The following TACR3 variants were observed in gnomAD, a reference collection of about 807,000 sequenced individuals.
TACR3 encodes neuromedin-K receptor.
TACR3 carries 34 observed loss-of-function variants against 35.0 expected under a neutral mutation model. The observed-to-expected ratio is 0.97, with a 90% CI of 0.74 to 1.30. The LOEUF (loss-of-function observed/expected upper bound fraction) is 1.30. Ranked by LOEUF, TACR3 falls within the 50% of genes most tolerant of loss-of-function variation. The pLI is 0.00. For missense variants in TACR3, 558 were observed against 591.7 expected, an observed-to-expected ratio of 0.94 and a Z score of 0.59; for synonymous variants, 233 against 221.1, an observed-to-expected ratio of 1.05 and a Z score of -0.48.
intron 4 of TACR3, among the ~76,000 whole-genome samples, chr4:103,590,914 A>G (rs1379876165): frequency 6.6e-6 from 1 of 152,032 alleles, no homozygotes; most frequent in Non-Finnish European, 1.5e-5. Flanking sequence ...TCCCTTGACC[A>G]CTGTGATTTC....
At chr4:103,600,554 G>T (rs1190854497) in intron 3 of TACR3, among the ~76,000 whole-genome samples, 2 of 151,932 alleles carry the variant, frequency 1.3e-5, no homozygotes, top group African/African-American at 2.4e-5. Context: ...GTGATGTTAG[G>T]GTGTCAATTT....
chr4:103,706,591 A>G lies in TACR3; in HGVS notation c.548+12537T>C, dbSNP rs1021041885. Among the ~76,000 whole-genome samples, 3 of 152,300 alleles carry G rather than the reference A, an allele frequency of 2.0e-5. No individual in the cohort carries two copies. In the East Asian group the frequency reaches 5.8e-4, roughly 29 times the overall value. The stretch of plus-strand genomic sequence containing the variant: ...TATAATGTACTATACATGAGTGCAT[A>G]GGGAGAGAAAGAAAGTACATATAAT... On this transcript the variant is annotated intron_variant, in intron 1 of 4. Transcript: ENST00000304883.
At position 103,656,253 on chromosome 4, in the gene TACR3, C is replaced by T; in HGVS notation, c.829G>A (p.Gly277Arg). Residue 277 changes from glycine to arginine, a missense_variant, in exon 3 of 5, where the codon GGA becomes AGA. Physicochemically the swap from Gly to Arg is moderately radical, Grantham distance 125. Coordinates refer to ENST00000304883, the MANE Select transcript of TACR3 (RefSeq NM_001059.3). Reference sequence around the variant, plus strand: ...TCACAGGTATCTCCTGGGATTTCTCCTCCCCAGAGAGTAATTCCAACAATG... The same window carrying T: ...TCACAGGTATCTCCTGGGATTTCTCTTCCCCAGAGAGTAATTCCAACAATG... ...YTIVGITLWG[G>R]EIPGDTCDKY... 5 of 1,612,984 alleles carry T rather than the reference C, an allele frequency of 3.1e-6. No individual in the cohort carries two copies. Among genetic ancestry groups the T allele is most frequent in the Non-Finnish European group, 4.2e-6 (5 of 1,179,296 alleles).
intron 3 of TACR3, among the ~76,000 whole-genome samples, chr4:103,594,113 A>G (rs994284251): frequency 6.6e-6 from 1 of 152,144 alleles, no homozygotes; most frequent in Non-Finnish European, 1.5e-5. Context: ...TAAAATAAGC[A>G]TGGAATTTAC....
intron 3 of TACR3, chr4:103,624,662 G>A (rs967079851): frequency 3.3e-5 from 5 of 151,888 alleles, no homozygotes; most frequent in African/African-American, 1.2e-4. Flanking sequence ...AAAGAAATCT[G>A]AAGAGATTTA....
At chr4:103,638,995 C>T (rs996021711) in intron 3 of TACR3, among the ~76,000 whole-genome samples, 6 of 152,204 alleles carry the variant, frequency 3.9e-5, no homozygotes, top group African/African-American at 1.4e-4. Context: ...GTTGGTGGGA[C>T]TGTAAACTAG....
At chr4:103,645,711 T>C (rs984109710) in intron 3 of TACR3, among the ~76,000 whole-genome samples, 6 of 151,960 alleles carry the variant, frequency 3.9e-5, no homozygotes, top group African/African-American at 1.4e-4. Flanking sequence ...AGATACACAA[T>C]GGTAGGAGAA....
At chr4:103,628,973 G>C (rs1267902896) in intron 3 of TACR3, among the ~76,000 whole-genome samples, 1 of 152,182 alleles carries the variant, frequency 6.6e-6, no homozygotes, top group Non-Finnish European at 1.5e-5. Flanking sequence ...TGGGATGCAA[G>C]GCTGGTTCAA....
chr4:103,671,520 T>C (rs1215911106), intron 1 of TACR3, among the ~76,000 whole-genome samples: 2 of 151,980 alleles, frequency 1.3e-5, no homozygotes, highest in African/African-American at 2.4e-5. Flanking sequence ...TATTAGGAGG[T>C]TGTATGTATT....
intron 3 of TACR3, among the ~76,000 whole-genome samples, chr4:103,610,071 A>G (rs189059914): frequency 3.1e-4 from 47 of 152,244 alleles, no homozygotes; most frequent in African/African-American, 1.1e-3. Context: ...TAGTGCTGCA[A>G]TAAATATAGG....
chr4:103,615,267 G>C (rs890027413), intron 3 of TACR3, among the ~76,000 whole-genome samples: 1 of 152,060 alleles, frequency 6.6e-6, no homozygotes, highest in African/African-American at 2.4e-5. Context: ...CATGAAGACC[G>C]AGTACTGGAG....
At chr4:103,711,212 T>A (rs1426935674) in intron 1 of TACR3, among the ~76,000 whole-genome samples, 1 of 151,962 alleles carries the variant, frequency 6.6e-6, no homozygotes, top group South Asian at 2.1e-4. Flanking sequence ...TAGACCAATA[T>A]CCCTGATGAA....
intron 1 of TACR3, among the ~76,000 whole-genome samples, chr4:103,713,477 T>TGGGGGGA (rs1723018311): frequency 2.7e-5 from 2 of 74,546 alleles, no homozygotes; most frequent in African/African-American, 1.1e-4. Context: ...TGTCATGGGG[T>TGGGGGGA]GGGGGGAGGG....
At chr4:103,629,821 C>T (rs1725005267) in intron 3 of TACR3, among the ~76,000 whole-genome samples, 1 of 136,418 alleles carries the variant, frequency 7.3e-6, no homozygotes, top group East Asian at 2.0e-4. Context: ...AAAAAAGAGC[C>T]CACATTGCCA....
intron 1 of TACR3, among the ~76,000 whole-genome samples, chr4:103,694,706 T>C (rs1470966529): frequency 6.6e-6 from 1 of 152,188 alleles, no homozygotes; most frequent in Non-Finnish European, 1.5e-5. Flanking sequence ...ATGAACTTGG[T>C]ATTAAAATGT....
intron 3 of TACR3, among the ~76,000 whole-genome samples, chr4:103,641,376 G>A (rs1000029300): frequency 6.6e-6 from 1 of 151,850 alleles, no homozygotes; most frequent in African/African-American, 2.4e-5. Flanking sequence ...ATGAAAAAAT[G>A]TTCAACAGTA....
intron 1 of TACR3, among the ~76,000 whole-genome samples, chr4:103,683,968 C>T (rs985392678): frequency 1.3e-5 from 2 of 151,718 alleles, no homozygotes; most frequent in Non-Finnish European, 2.9e-5. Context: ...ATCAATTTAA[C>T]CCAAAAACCA....
intron 3 of TACR3, among the ~76,000 whole-genome samples, chr4:103,597,895 T>G (rs1455560564): frequency 2.6e-5 from 4 of 152,196 alleles, no homozygotes; most frequent in Admixed American, 2.6e-4. Context: ...CTATTGTGAA[T>G]AGTGCCGCTA....
chr4:103,695,487 G>T (rs996700839), intron 1 of TACR3, among the ~76,000 whole-genome samples: 1 of 152,008 alleles, frequency 6.6e-6, no homozygotes, highest in Admixed American at 6.6e-5. Context: ...TTAATAATAT[G>T]TTCTTTTCTC....
Sources: allele counts gnomAD v4.1 joint callset (sites outside exome capture counted in the v4.1 genomes callset), GRCh38; gene constraint gnomAD v4.1.1; transcripts MANE v1.5; gene names NCBI Gene and HGNC (gene_info 2026-07-23, HGNC 2026-07-21).